RPS6KC1: variants seen among roughly 807,000 people sequenced by gnomAD.
The protein encoded by RPS6KC1 is ribosomal protein S6 kinase C1.
A neutral mutation model predicts 103.8 loss-of-function variants in RPS6KC1; 54 were observed. That is an observed-to-expected ratio of 0.52 (90% CI 0.42 to 0.65). The LOEUF is 0.65. RPS6KC1 is among the 30% of genes least tolerant of loss of function. RPS6KC1 has a pLI of 0.00. For synonymous variants in RPS6KC1, 439 were observed against 438.7 expected, an observed-to-expected ratio of 1.00 and a Z score of -0.01; for missense variants, 1,151 against 1,253.8, an observed-to-expected ratio of 0.92 and a Z score of 1.24.
chr1:213,632,256 C>T, the RPS6KC1 span, among the ~76,000 whole-genome samples: 2 of 152,066 alleles, frequency 1.3e-5, no homozygotes, highest in African/African-American at 2.4e-5. Flanking sequence ...GTTTTCATTT[C>T]CCTAGAGAAA....
intron 8 of RPS6KC1, among the ~76,000 whole-genome samples, chr1:213,226,178 G>A (rs1256239228): frequency 2.1e-5 from 3 of 145,858 alleles, no homozygotes; most frequent in African/African-American, 5.1e-5. Context: ...AGCGGAGATC[G>A]CACCACTGCA....
the RPS6KC1 span, among the ~76,000 whole-genome samples, chr1:213,737,750 C>T: frequency 6.6e-6 from 1 of 152,176 alleles, no homozygotes; most frequent in Admixed American, 6.5e-5. Context: ...CAGCCCTGTC[C>T]TATAAACCAA....
chr1:213,204,206 T>C (rs2093267614), intron 8 of RPS6KC1, among the ~76,000 whole-genome samples: 1 of 152,344 alleles, frequency 6.6e-6, no homozygotes, highest in Non-Finnish European at 1.5e-5. Context: ...TGTGTGTACA[T>C]AGCAGGCATT....
the RPS6KC1 span, among the ~76,000 whole-genome samples, chr1:213,568,212 C>T: frequency 1.3e-5 from 2 of 152,174 alleles, no homozygotes; most frequent in African/African-American, 4.8e-5. Context: ...CCCTGGTTTG[C>T]CTAGGATAAG....
the RPS6KC1 span, among the ~76,000 whole-genome samples, chr1:213,713,116 C>T: frequency 1.3e-5 from 2 of 152,102 alleles, no homozygotes; most frequent in Non-Finnish European, 2.9e-5. Context: ...ATTTCTGATG[C>T]TCCTTCCAAT....
At chr1:213,594,390 G>A in the RPS6KC1 span, among the ~76,000 whole-genome samples, 2 of 152,090 alleles carry the variant, frequency 1.3e-5, no homozygotes, top group Non-Finnish European at 2.9e-5. Flanking sequence ...GGATAGAGGG[G>A]TAAAATAAGA....
At chr1:213,330,779 G>A in the RPS6KC1 span, among the ~76,000 whole-genome samples, 1 of 152,230 alleles carries the variant, frequency 6.6e-6, no homozygotes, top group Admixed American at 6.5e-5. Context: ...TTCTTTTCTT[G>A]AGAAGGTGAA....
the RPS6KC1 span, among the ~76,000 whole-genome samples, chr1:213,732,040 T>C: frequency 1.3e-5 from 2 of 152,180 alleles, no homozygotes; most frequent in Non-Finnish European, 2.9e-5. Context: ...GGTTGTCTTA[T>C]GGGGTGAGAG....
At chr1:213,368,826 C>T in the RPS6KC1 span, among the ~76,000 whole-genome samples, 1 of 152,188 alleles carries the variant, frequency 6.6e-6, no homozygotes, top group African/African-American at 2.4e-5. Flanking sequence ...AGCCTGCGGC[C>T]TGCAATCTAA....
At chr1:213,545,164 G>A in the RPS6KC1 span, among the ~76,000 whole-genome samples, 2 of 152,024 alleles carry the variant, frequency 1.3e-5, no homozygotes, top group Middle Eastern at 3.4e-3. Context: ...TCAGGAGTTC[G>A]ACACAAGCCT....
intron 1 of RPS6KC1, among the ~76,000 whole-genome samples, chr1:213,064,402 T>C (rs571202631): frequency 5.0e-4 from 76 of 151,062 alleles, no homozygotes; most frequent in African/African-American, 1.8e-3. Context: ...TGTTTCACTC[T>C]TGTTGCCCAG....
At chr1:213,644,776 C>G in the RPS6KC1 span, among the ~76,000 whole-genome samples, 1 of 152,130 alleles carries the variant, frequency 6.6e-6, no homozygotes, top group East Asian at 1.9e-4. Flanking sequence ...TGCTAAATTG[C>G]TCTCATAGAA....
the RPS6KC1 span, among the ~76,000 whole-genome samples, chr1:213,594,390 G>GT: frequency 1.3e-5 from 2 of 152,090 alleles, no homozygotes; most frequent in Non-Finnish European, 2.9e-5. Context: ...GGATAGAGGG[G>GT]TAAAATAAGA....
intron 8 of RPS6KC1, among the ~76,000 whole-genome samples, chr1:213,212,990 A>G (rs1439230297): frequency 6.6e-6 from 1 of 152,174 alleles, no homozygotes; most frequent in Admixed American, 6.5e-5. Flanking sequence ...ATCATTTATA[A>G]ATATTTTCTC....
chr1:213,257,524 G>A (rs541354097), intron 12 of RPS6KC1, among the ~76,000 whole-genome samples: 1 of 152,202 alleles, frequency 6.6e-6, no homozygotes, highest in Admixed American at 6.5e-5. Context: ...CTCTCCCAAA[G>A]TCACCATACC....
At chr1:213,498,889 C>T in the RPS6KC1 span, among the ~76,000 whole-genome samples, 1 of 151,216 alleles carries the variant, frequency 6.6e-6, no homozygotes, top group Non-Finnish European at 1.5e-5. Flanking sequence ...AAGTGATTCT[C>T]CTGCCTCAGC....
chr1:213,746,222 T>C, the RPS6KC1 span, among the ~76,000 whole-genome samples: 1 of 152,208 alleles, frequency 6.6e-6, no homozygotes, highest in Non-Finnish European at 1.5e-5. Context: ...AAGGAGAAAT[T>C]TGAAAGGGCA....
intron 12 of RPS6KC1, among the ~76,000 whole-genome samples, chr1:213,253,601 T>G (rs1252980567): frequency 6.6e-6 from 1 of 152,232 alleles, no homozygotes; most frequent in East Asian, 1.9e-4. Flanking sequence ...TTGGTTATTT[T>G]TGCGTCATGT....
At chr1:213,208,536 A>G (rs1299410310) in intron 8 of RPS6KC1, among the ~76,000 whole-genome samples, 4 of 151,902 alleles carry the variant, frequency 2.6e-5, no homozygotes, top group Non-Finnish European at 5.9e-5. Context: ...AACAATCTAG[A>G]TGTTTTGTTG....
Sources: gnomAD v4.1 joint callset for allele counts (sites outside exome capture counted in the v4.1 genomes callset) on GRCh38, gnomAD v4.1.1 for gene constraint, MANE v1.5 for transcripts, NCBI Gene and HGNC (gene_info 2026-07-23, HGNC 2026-07-21) for gene names.